Variants in ANO3 observed in about 807,000 individuals in gnomAD.
ANO3 encodes the protein anoctamin-3.
In ANO3, 99 loss-of-function variants were observed where a neutral mutation model predicts 144.8. That is an observed-to-expected ratio of 0.68 (90% CI 0.58 to 0.81). The LOEUF is 0.81. ANO3 is among the 30% of genes least tolerant of loss of function. The pLI, the probability that ANO3 is intolerant of heterozygous loss-of-function variation, is 0.00. For synonymous variants in ANO3, 414 were observed against 392.6 expected (o/e 1.05, Z -0.64); for missense variants, 905 against 1,202.2 (o/e 0.75, Z 3.66).
chr11:26,368,813 TTTG>T (rs1468179606), intron 1 of ANO3, among the ~76,000 whole-genome samples: 2 of 152,186 alleles, frequency 1.3e-5, no homozygotes, highest in African/African-American at 4.8e-5. Context: ...CTTTATGTTT[TTTG>T]TTTTTTTCAA....
intron 14 of ANO3, among the ~76,000 whole-genome samples, chr11:26,592,711 G>C (rs1851488748): frequency 6.6e-6 from 1 of 151,298 alleles, no homozygotes; most frequent in African/African-American, 2.4e-5. Flanking sequence ...TGATAGTTTT[G>C]AAAAGGCCTG....
intron 10 of ANO3, 146 bp from the exon 11 acceptor site, chr11:26,541,801 C>A: frequency 1.7e-6 from 1 of 601,396 alleles, no homozygotes; most frequent in Non-Finnish European, 2.6e-6. Context: ...GCATCCATCA[C>A]ATCATTCCAG....
intron 21 of ANO3, 55 bp from the exon 22 acceptor site, chr11:26,641,841 T>G: frequency 6.4e-7 from 1 of 1,564,582 alleles, no homozygotes; most frequent in Non-Finnish European, 8.7e-7. Context: ...CTATACATTG[T>G]TAACCAGATG....
At position 26,643,246 on chromosome 11, in the gene ANO3, G is replaced by T; in HGVS notation, c.2340G>T (p.Leu780Phe). 1 of 1,614,120 alleles carries T rather than the reference G, an allele frequency of 6.2e-7. No homozygotes were observed. Among genetic ancestry groups the T allele is most frequent in the Non-Finnish European group, 8.5e-7 (1 of 1,180,010 alleles). ...TTCCTCTAGCCCCTCTTTTGGCTTTGTTAAACAATATCATTGAAATCAGGC... is the reference window on the plus strand; with the variant it reads ...TTCCTCTAGCCCCTCTTTTGGCTTTTTTAAACAATATCATTGAAATCAGGC... ...AAFPLAPLLALLNNIIEIRLD... is the reference protein window; with the variant it reads ...AAFPLAPLLAFLNNIIEIRLD... Residue 780 changes from leucine to phenylalanine, a missense_variant, in exon 23 of 27, where the codon TTG becomes TTT. Around this residue, in one of 4 missense-constraint regions of ANO3, gnomAD observed 597 missense variants for 865.1 expected, o/e 0.69. Coordinates refer to ENST00000256737, the MANE Select transcript of ANO3 (RefSeq NM_031418.4).
intron 14 of ANO3, among the ~76,000 whole-genome samples, chr11:26,589,650 A>T (rs1381234396): frequency 6.6e-6 from 1 of 152,044 alleles, no homozygotes; most frequent in Non-Finnish European, 1.5e-5. Flanking sequence ...CTGACTGTGG[A>T]TTTGCCTACC....
At chr11:26,515,249 T>C (rs946920177) in intron 5 of ANO3, among the ~76,000 whole-genome samples, 3 of 152,026 alleles carry the variant, frequency 2.0e-5, no homozygotes, top group Non-Finnish European at 2.9e-5. Context: ...CCATGTTGAT[T>C]TGCAAAATAC....
intron 1 of ANO3, among the ~76,000 whole-genome samples, chr11:26,189,955 T>A (rs1056998564): frequency 6.6e-6 from 1 of 152,162 alleles, no homozygotes; most frequent in Admixed American, 6.6e-5. Context: ...CACTAATAGT[T>A]TGCATTCATC....
At chr11:26,459,716 G>A (rs1369976702) in intron 3 of ANO3, among the ~76,000 whole-genome samples, 7 of 152,062 alleles carry the variant, frequency 4.6e-5, no homozygotes, top group Non-Finnish European at 1.0e-4. Context: ...TTAGTGGTAT[G>A]TGCTGAAGAG....
rs1350493443 is a variant in ANO3, at chr11:26,559,794, C to T, written c.1447+15C>T. The T allele has an allele frequency of 2.6e-6, 4 of 1,564,124 alleles. No homozygotes were observed. The highest frequency in any genetic ancestry group is 3.5e-6 in the Non-Finnish European group (4 of 1,138,848). On this transcript the variant is annotated intron_variant, in intron 14 of 26. Transcript: ENST00000256737. ...GGCAATATGGGGTAAGTACTTTCTTCATTACTTTCTATCCCTTATTTTCTG... is the reference window on the plus strand; with the variant it reads ...GGCAATATGGGGTAAGTACTTTCTTTATTACTTTCTATCCCTTATTTTCTG...
intron 1 of ANO3, among the ~76,000 whole-genome samples, chr11:26,268,109 G>A (rs12270747): frequency 0.027 from 4,123 of 152,036 alleles, 90 homozygotes; most frequent in African/African-American, 0.066. Flanking sequence ...TATTTATTAC[G>A]CGTCAAATAC....
At chr11:26,243,016 C>CG (rs2133812446) in intron 1 of ANO3, among the ~76,000 whole-genome samples, 1 of 152,176 alleles carries the variant, frequency 6.6e-6, no homozygotes, top group Middle Eastern at 3.4e-3. Flanking sequence ...GGTTTTGCCC[C>CG]CAAATACTCT....
chr11:26,559,831 G>C, intron 14 of ANO3, 52 bp downstream of exon 14: 1 of 1,034,602 alleles, frequency 9.7e-7, no homozygotes, highest in Non-Finnish European at 1.5e-6. Flanking sequence ...AGCTGTTTCT[G>C]TGTTACACAC....
chr11:26,560,009 C>G (rs956764926), intron 14 of ANO3: 11 of 380,292 alleles, frequency 2.9e-5, no homozygotes, highest in Non-Finnish European at 3.8e-5. Context: ...TTTCCTACAT[C>G]AAGGAACATA....
chr11:26,366,502 G>A (rs1482622260), intron 1 of ANO3, among the ~76,000 whole-genome samples: 2 of 152,064 alleles, frequency 1.3e-5, no homozygotes, highest in African/African-American at 4.8e-5. Context: ...CCTAGTAATG[G>A]GATGGCTGGG....
intron 26 of ANO3, among the ~76,000 whole-genome samples, chr11:26,659,079 TACACAC>T (rs145583088): frequency 2.0e-5 from 3 of 147,624 alleles, no homozygotes; most frequent in African/African-American, 5.0e-5. Context: ...CCTTGAGCCA[TACACAC>T]ACACACACAC....
intron 1 of ANO3, among the ~76,000 whole-genome samples, chr11:26,437,014 C>G (rs1858319983): frequency 6.6e-6 from 1 of 151,794 alleles, no homozygotes; most frequent in African/African-American, 2.4e-5. Flanking sequence ...TGCCAAACAG[C>G]AAAGATAGCA....
At chr11:26,656,345 T>C in intron 25 of ANO3, 31 bp from the exon 26 acceptor site, 2 of 1,526,002 alleles carry the variant, frequency 1.3e-6, no homozygotes, top group Non-Finnish European at 1.8e-6. Context: ...TGATCTCTAT[T>C]TGTCATTCTC....
intron 1 of ANO3, among the ~76,000 whole-genome samples, chr11:26,375,410 T>C (rs995886191): frequency 6.6e-6 from 1 of 152,192 alleles, no homozygotes; most frequent in Non-Finnish European, 1.5e-5. Context: ...CTCTTTCCAC[T>C]GGTAGATTAT....
chr11:26,457,176 G>A (rs190171532), intron 3 of ANO3, among the ~76,000 whole-genome samples: 367 of 151,310 alleles, frequency 2.4e-3, no homozygotes, highest in African/African-American at 8.4e-3. Context: ...GTATACATGT[G>A]TAACTTACCT....
Sources: gnomAD v4.1 joint callset for allele counts (sites outside exome capture counted in the v4.1 genomes callset) on GRCh38, gnomAD v4.1.1 for gene constraint, gnomAD v4.1.1 regional missense constraint, MANE v1.5 for transcripts, NCBI Gene and HGNC (gene_info 2026-07-23, HGNC 2026-07-21) for gene names.